Variants in SCAMP1 observed in about 807,000 individuals in gnomAD.
SCAMP1 encodes secretory carrier membrane protein 1, also known as secretory carrier-associated membrane protein 1.
A neutral mutation model predicts 41.8 loss-of-function variants in SCAMP1; 15 were observed. The ratio of observed to expected loss-of-function variants is 0.36; its 90% CI spans 0.24 to 0.55. SCAMP1 has a LOEUF of 0.55. SCAMP1 is among the 20% of genes least tolerant of loss of function. The pLI is 0.86. For missense variants in SCAMP1, 341 were observed against 412.6 expected (o/e 0.83, Z 1.50); for synonymous variants, 135 against 136.8 (o/e 0.99, Z 0.09).
Position 78,392,034 on chromosome 5 carries a change from GGA to G in SCAMP1, c.135+3123_135+3124del, listed in dbSNP as rs1751527679. On this transcript the variant is annotated intron_variant, in intron 2 of 8. Transcript: ENST00000621999. ...GAGGGAGAGGGAGAGAGAGGGAGAG[GGA>G]GACCGTGGAAAGAGAGGGAGAGGGA... Among the ~76,000 whole-genome samples, 5 of 1,614 alleles carry G rather than the reference GGA, an allele frequency of 3.1e-3. No homozygotes were observed. In the Admixed American group the frequency reaches 0.038, roughly 12 times the overall value. The allele number at this position is 1,614 out of a possible 152,430, so 1.1% of individuals were successfully genotyped here.
chr5:78,422,008 A>G, intron 6 of SCAMP1, 48 bp downstream of exon 6: 1 of 1,481,458 alleles, frequency 6.8e-7, no homozygotes, highest in Admixed American at 1.9e-5. Context: ...CTGTGAAGTA[A>G]ATAATTCGTA....
At chr5:78,381,018 A>G (rs1184633019) in intron 1 of SCAMP1, among the ~76,000 whole-genome samples, 4 of 152,006 alleles carry the variant, frequency 2.6e-5, no homozygotes, top group African/African-American at 7.2e-5. Context: ...GTGAGCTGAG[A>G]TCGTGCTACG....
chr5:78,415,686 C>T (rs1752193872), intron 3 of SCAMP1, 68 bp downstream of exon 3: 3 of 954,324 alleles, frequency 3.1e-6, no homozygotes, highest in Non-Finnish European at 4.8e-6. Flanking sequence ...GCTTTCAGAG[C>T]AAAATAAATC....
Position 78,479,858 on chromosome 5 carries a change from T to A in SCAMP1, c.*4190T>A, listed in dbSNP as rs183057767. Among the ~76,000 whole-genome samples the A allele has an allele frequency of 4.0e-3, 614 of 151,626 alleles. 4 individuals carry two copies. Among genetic ancestry groups the A allele is most frequent in the Non-Finnish European group, 6.7e-3 (457 of 67,902 alleles). ...GAGATCGAAACCATCCTGGCTAACA[T>A]GGTGAAACCCCATCTCTACTAAAAA... On this transcript the variant is annotated 3_prime_UTR_variant, in exon 9 of 9. Transcript: ENST00000621999.
chr5:78,435,014 C>T (rs1444565324), intron 6 of SCAMP1, among the ~76,000 whole-genome samples: 1 of 152,148 alleles, frequency 6.6e-6, no homozygotes, highest in Non-Finnish European at 1.5e-5. Context: ...AGAACAGCAA[C>T]AGTAGGTATG....
intron 2 of SCAMP1, among the ~76,000 whole-genome samples, chr5:78,398,244 A>G (rs1010661776): frequency 6.6e-6 from 1 of 152,198 alleles, no homozygotes; most frequent in African/African-American, 2.4e-5. Flanking sequence ...AGTTACTACA[A>G]CATAGTTGAA....
At chr5:78,403,730 C>T (rs1397540592) in intron 2 of SCAMP1, among the ~76,000 whole-genome samples, 2 of 152,076 alleles carry the variant, frequency 1.3e-5, no homozygotes, top group Non-Finnish European at 2.9e-5. Flanking sequence ...TTTTGGGAGG[C>T]TGAGGCGGGC....
chr5:78,475,722 C>T lies in SCAMP1; in HGVS notation c.*54C>T, dbSNP rs975098624. 9.9e-6 allele frequency: 13 copies of T among 1,313,592 alleles called. No homozygotes were observed. The African/African-American group carries it at 1.9e-4, about 20-fold the overall frequency. 81.4% of individuals were successfully genotyped at this position (1,313,592 alleles called of 1,614,324 possible). A position where few individuals can be genotyped will look rare whatever the true frequency, so the allele number is the denominator to read the frequency against. Reference sequence around the variant, plus strand: ...TTGACTGTACCTTTTTCTCCAGTTACTGTATTCTACAAATATTTTTATGTT... The same window carrying T: ...TTGACTGTACCTTTTTCTCCAGTTATTGTATTCTACAAATATTTTTATGTT... On this transcript the variant is annotated 3_prime_UTR_variant, in exon 9 of 9. Coordinates refer to ENST00000621999, the MANE Select transcript of SCAMP1 (RefSeq NM_004866.6).
rs1393413534 is a variant in SCAMP1, at chr5:78,477,128, T to TA, written c.*1463dup. 4 of 152,184 alleles carry TA rather than the reference T, an allele frequency of 2.6e-5. No individual in the cohort carries two copies. The highest frequency in any genetic ancestry group is 6.5e-5 in the Admixed American group (1 of 15,280). 9.4% of individuals were successfully genotyped at this position (152,184 alleles called of 1,614,324 possible). ...AAAAAATCAGATAGGCATAAATAGT[T>TA]AAATCACTTTCATTCTCCCCAAACC... is the stretch of plus-strand genomic sequence containing the variant. On this transcript the variant is annotated 3_prime_UTR_variant, in exon 9 of 9. Transcript: ENST00000621999.
chr5:78,457,389 G>A (rs1396328725), intron 7 of SCAMP1, among the ~76,000 whole-genome samples: 1 of 152,002 alleles, frequency 6.6e-6, no homozygotes, highest in African/African-American at 2.4e-5. Context: ...CTGTTTGTTA[G>A]TTTTCCTTCT....
intron 2 of SCAMP1, among the ~76,000 whole-genome samples, chr5:78,405,389 C>T (rs1328749123): frequency 2.0e-5 from 3 of 152,194 alleles, no homozygotes; most frequent in African/African-American, 7.2e-5. Context: ...ATTCTCCTGA[C>T]TTTGCACTGG....
chr5:78,431,926 G>T (rs895464422), intron 6 of SCAMP1, among the ~76,000 whole-genome samples: 2 of 151,928 alleles, frequency 1.3e-5, no homozygotes, highest in Non-Finnish European at 2.9e-5. Context: ...TATGGAAAAA[G>T]GGGTAGTCAT....
At chr5:78,470,057 A>G (rs1463730414) in intron 8 of SCAMP1, among the ~76,000 whole-genome samples, 1 of 151,854 alleles carries the variant, frequency 6.6e-6, no homozygotes, top group African/African-American at 2.4e-5. Flanking sequence ...ATACCACTAC[A>G]CTCCAGCCTG....
intron 5 of SCAMP1, among the ~76,000 whole-genome samples, chr5:78,421,174 C>T (rs34828149): frequency 0.37 from 56,275 of 151,898 alleles, 12,549 homozygotes; most frequent in Non-Finnish European, 0.5. Flanking sequence ...TTGTGTTAAC[C>T]AAAAGAAAAG....
At chr5:78,399,345 C>CT (rs1307062352) in intron 2 of SCAMP1, among the ~76,000 whole-genome samples, 1 of 152,174 alleles carries the variant, frequency 6.6e-6, no homozygotes, top group African/African-American at 2.4e-5. Flanking sequence ...AAGGAATAGA[C>CT]TGACTGGACC....
intron 8 of SCAMP1, among the ~76,000 whole-genome samples, chr5:78,465,459 C>G (rs560069296): frequency 6.6e-6 from 1 of 152,270 alleles, no homozygotes; most frequent in East Asian, 1.9e-4. Flanking sequence ...TTGTAATTCT[C>G]ACATCTGGAA....
intron 6 of SCAMP1, among the ~76,000 whole-genome samples, chr5:78,447,197 G>A (rs987359239): frequency 2.6e-5 from 4 of 152,174 alleles, no homozygotes; most frequent in Non-Finnish European, 2.9e-5. Context: ...CACGAAACAG[G>A]TCCCTGGTGC....
At position 78,444,009 on chromosome 5, in the gene SCAMP1, T is replaced by C. The variant is rs1319510638; in HGVS notation, c.633-5924T>C. On this transcript the variant is annotated intron_variant, in intron 6 of 8. Transcript: ENST00000621999. ...TTATAAATTTAGAATTTTCGAATCT[T>C]CTTCCAAAAAAACACATATGCAAAT... Among the ~76,000 whole-genome samples, 3 of 152,142 alleles carry C rather than the reference T, an allele frequency of 2.0e-5. No homozygotes were observed. In the East Asian group the frequency reaches 5.8e-4, roughly 29 times the overall value.
intron 6 of SCAMP1, among the ~76,000 whole-genome samples, chr5:78,437,253 A>G (rs542177901): frequency 1.3e-5 from 2 of 152,338 alleles, no homozygotes; most frequent in East Asian, 3.9e-4. Flanking sequence ...CACTATGTTG[A>G]ATAGGAGTGG....
Sources: allele counts gnomAD v4.1 joint callset (sites outside exome capture counted in the v4.1 genomes callset), GRCh38; gene constraint gnomAD v4.1.1; transcripts MANE v1.5; gene names NCBI Gene and HGNC (gene_info 2026-07-23, HGNC 2026-07-21).